THOC5: variants seen among roughly 807,000 people sequenced by gnomAD.
THOC5 encodes Fms-interacting protein.
In THOC5, 43 loss-of-function variants were observed where a neutral mutation model predicts 92.9. That is an observed-to-expected ratio of 0.46 (90% CI 0.36 to 0.60). The LOEUF (loss-of-function observed/expected upper bound fraction) is 0.60. Among genes scored for constraint, THOC5 ranks in the 20% least tolerant of loss-of-function variants. The pLI, the probability that THOC5 is intolerant of heterozygous loss-of-function variation, is 0.00. For synonymous variants in THOC5, 296 were observed against 320.1 expected, an observed-to-expected ratio of 0.92 and a Z score of 0.80; for missense variants, 659 against 849.4, an observed-to-expected ratio of 0.78 and a Z score of 2.79.
chr22:29,546,843 C>CT (rs112906478), intron 2 of THOC5, among the ~76,000 whole-genome samples: 7,961 of 138,180 alleles, frequency 0.058, 221 homozygotes, highest in African/African-American at 0.087. Flanking sequence ...CAAGTCACTT[C>CT]TTTTTTTTTT....
chr22:29,543,055 G>A, intron 4 of THOC5, 99 bp from the exon 5 acceptor site: 2 of 854,042 alleles, frequency 2.3e-6, no homozygotes, highest in Non-Finnish European at 3.7e-6. Context: ...AATAAAGAAG[G>A]GGATGGGGCT....
At chr22:29,529,102 G>C in intron 9 of THOC5, 60 bp downstream of exon 9, 1 of 1,544,952 alleles carries the variant, frequency 6.5e-7, no homozygotes, top group Non-Finnish European at 8.9e-7. Flanking sequence ...CCAAAGACCA[G>C]GACTGCCCTT....
Position 29,531,757 on chromosome 22 carries a change from T to C in THOC5, c.847+74A>G, listed in dbSNP as rs939448835. The C allele has an allele frequency of 3.2e-6, 5 of 1,551,392 alleles. No homozygotes were observed. In the African/African-American group the frequency reaches 6.8e-5, roughly 21 times the overall value. On this transcript the variant is annotated intron_variant, in intron 8 of 19. Transcript: ENST00000490103. ...ACTGAGAAATTTCCTGAGCAGGTAC[T>C]GCTTCCAACTGATTCACTCGGCCAC...
intron 18 of THOC5, 45 bp downstream of exon 18, chr22:29,511,976 C>T (rs56132714): frequency 1.3e-5 from 20 of 1,553,310 alleles, no homozygotes; most frequent in Admixed American, 1.7e-5. Context: ...CCACCTCCCC[C>T]GGGAGCTCTG....
At chr22:29,532,669 A>G (rs2063679922) in intron 7 of THOC5, among the ~76,000 whole-genome samples, 1 of 143,562 alleles carries the variant, frequency 7.0e-6, no homozygotes, top group African/African-American at 2.6e-5. Flanking sequence ...CTGTCTCAAA[A>G]AACAAACAAA....
At chr22:29,542,722 C>T in intron 5 of THOC5, 137 bp downstream of exon 5, 1 of 520,384 alleles carries the variant, frequency 1.9e-6, no homozygotes, top group South Asian at 2.2e-5. Flanking sequence ...TGAGATTGCG[C>T]CACTGCACTC....
intron 12 of THOC5, among the ~76,000 whole-genome samples, chr22:29,521,692 G>A (rs992019235): frequency 6.6e-6 from 1 of 152,180 alleles, no homozygotes; most frequent in Non-Finnish European, 1.5e-5. Context: ...GCTACAAGCG[G>A]AGAGAAATAG....
rs150377088 is a variant in THOC5, at chr22:29,509,439, G to A, written c.1989-919C>T. ...AGGTCTCACACAAGCCCTCTAGGGAGAGAGCAAGTCCTAGAAGGTGCCAGC... is the reference window on the plus strand; with the variant it reads ...AGGTCTCACACAAGCCCTCTAGGGAAAGAGCAAGTCCTAGAAGGTGCCAGC... On this transcript the variant is annotated intron_variant, in intron 19 of 19. Transcript: ENST00000490103. Among the ~76,000 whole-genome samples the A allele has an allele frequency of 2.6e-5, 4 of 152,294 alleles. No individual in the cohort carries two copies. In the East Asian group the frequency reaches 5.8e-4, roughly 22 times the overall value.
rs781047344 is a variant in THOC5, at chr22:29,544,471, C to T, written c.229G>A (p.Gly77Ser). ...GTCCCACTCCTTACCACATCCTTGC[C>T]ACCCCTGCTCTTCAGGTCTTGGATC... is the stretch of plus-strand genomic sequence containing the variant. ...AEIQDLKSRG[G>S]KDVAIEIEER... Residue 77 changes from glycine (G) to serine (S), a missense_variant, in exon 3 of 20, where the codon GGC becomes AGC. Transcript: ENST00000490103. 5.6e-6 allele frequency: 9 copies of T among 1,613,306 alleles called. No individual in the cohort carries two copies. The highest frequency in any genetic ancestry group is 1.3e-5 in the African/African-American group (1 of 75,010).
intron 19 of THOC5, among the ~76,000 whole-genome samples, chr22:29,508,769 G>C (rs2063167144): frequency 6.6e-6 from 1 of 152,086 alleles, no homozygotes; most frequent in African/African-American, 2.4e-5. Flanking sequence ...CGGGGACATA[G>C]CTTTAGGCAC....
intron 2 of THOC5, 126 bp downstream of exon 2, chr22:29,548,926 G>C: frequency 1.3e-6 from 1 of 747,552 alleles, no homozygotes; most frequent in South Asian, 1.8e-5. Context: ...CAGTCACCTG[G>C]TCAAGTGGAA....
chr22:29,544,203 T>G (rs576531865), intron 3 of THOC5, among the ~76,000 whole-genome samples: 1 of 152,326 alleles, frequency 6.6e-6, no homozygotes, highest in East Asian at 1.9e-4. Context: ...TGCCTGGCAC[T>G]TAATAAATAT....
At chr22:29,533,973 A>C (rs542639842) in intron 7 of THOC5, among the ~76,000 whole-genome samples, 15 of 152,206 alleles carry the variant, frequency 9.9e-5, no homozygotes, top group Non-Finnish European at 1.8e-4. Context: ...TATGACCTAG[A>C]ATTTCATTCC....
At chr22:29,512,534 C>G (rs1249465684) in intron 17 of THOC5, among the ~76,000 whole-genome samples, 1 of 152,230 alleles carries the variant, frequency 6.6e-6, no homozygotes, top group Non-Finnish European at 1.5e-5. Context: ...TATCAACTAT[C>G]ACATCAAATA....
At chr22:29,514,657 G>A (rs1401237997) in intron 17 of THOC5, among the ~76,000 whole-genome samples, 2 of 151,124 alleles carry the variant, frequency 1.3e-5, no homozygotes, top group Non-Finnish European at 2.9e-5. Flanking sequence ...CCACTTATTC[G>A]TCTAAATTTT....
In THOC5 at chr22:29,542,820, A is replaced by C. The variant is rs541155801; in HGVS notation, c.452+39T>G. The C allele has an allele frequency of 3.5e-6, 5 of 1,440,234 alleles. No homozygotes were observed. In the Admixed American group the frequency reaches 7.1e-5, roughly 20 times the overall value. 89.2% of individuals were successfully genotyped at this position (1,440,234 alleles called of 1,614,324 possible). ...CTACATGGGAAAAAGCAGTTACCGAAAGACCACATGTGCCAAAGCCCTGTC... is the reference window on the plus strand; with the variant it reads ...CTACATGGGAAAAAGCAGTTACCGACAGACCACATGTGCCAAAGCCCTGTC... On this transcript the variant is annotated intron_variant, in intron 5 of 19. Coordinates refer to ENST00000490103, the MANE Select transcript of THOC5 (RefSeq NM_003678.5).
intron 14 of THOC5, 141 bp from the exon 15 acceptor site, chr22:29,519,261 TTATCTGC>T: frequency 1.9e-6 from 1 of 533,252 alleles, no homozygotes; most frequent in East Asian, 3.2e-5. Context: ...ATGGCAAGGT[TTATCTGC>T]TATGACAGGC....
At position 29,528,104 on chromosome 22, in the gene THOC5, G is replaced by C; in HGVS notation, c.1040C>G (p.Ser347Cys). 1 of 1,614,214 alleles carries C rather than the reference G, an allele frequency of 6.2e-7. No homozygotes were observed. Residue 347 changes from serine to cysteine, a missense_variant, in exon 11 of 20, where the codon TCT (serine) becomes TGT (cysteine). Ser to Cys is a moderately radical substitution (Grantham distance 112). Transcript: ENST00000490103. The part of the protein sequence containing the change: ...RKEMLKRHPL[S>C]VMLDLKCKDD... ...TTTGCACTTCAGGTCGAGCATGACA[G>C]ACAGTGGGTGCCTCTTCAGCATCTC...
intron 2 of THOC5, among the ~76,000 whole-genome samples, chr22:29,548,432 G>A (rs1362439242): frequency 6.6e-6 from 1 of 152,142 alleles, no homozygotes; most frequent in Non-Finnish European, 1.5e-5. Context: ...GCGTGCAGCT[G>A]TGGTCCCAGC....
Sources: gnomAD v4.1 joint callset for allele counts (sites outside exome capture counted in the v4.1 genomes callset) on GRCh38, gnomAD v4.1.1 for gene constraint, MANE v1.5 for transcripts, NCBI Gene and HGNC (gene_info 2026-07-23, HGNC 2026-07-21) for gene names.